The following SULT2A1 variants were observed in gnomAD, a reference collection of about 807,000 sequenced individuals.
SULT2A1 encodes sulfotransferase 2A1.
Under a neutral mutation model 33.9 loss-of-function variants are expected in SULT2A1, and 43 were observed. The observed-to-expected ratio is 1.27, with a 90% CI of 1.00 to 1.64. SULT2A1 has a LOEUF of 1.64. Ranked by LOEUF, SULT2A1 falls within the 40% of genes most tolerant of loss-of-function variation. The pLI is 0.00. For synonymous variants in SULT2A1, 125 were observed against 113.6 expected (o/e 1.10, Z -0.64); for missense variants, 300 against 335.1 (o/e 0.90, Z 0.82).
At chr19:47,877,773 A>T (rs923704552) in intron 4 of SULT2A1, among the ~76,000 whole-genome samples, 15 of 150,898 alleles carry the variant, frequency 9.9e-5, no homozygotes. Flanking sequence ...CTGGTCTCGA[A>T]CTCCTGGACT....
intron 4 of SULT2A1, among the ~76,000 whole-genome samples, chr19:47,875,971 G>C (rs62531043): frequency 0.015 from 2,217 of 152,066 alleles, 52 homozygotes; most frequent in African/African-American, 0.051. Flanking sequence ...ATTAGGACTA[G>C]GTACATGATC....
At chr19:47,878,992 G>T in intron 4 of SULT2A1, 44 bp downstream of exon 4, 1 of 1,179,076 alleles carries the variant, frequency 8.5e-7, no homozygotes, top group Non-Finnish European at 1.3e-6. Flanking sequence ...AAGTAAGGAT[G>T]GTGGTGAGAG....
chr19:47,883,681 C>G lies in SULT2A1; in HGVS notation c.241G>C (p.Glu81Gln). Residue 81 changes from glutamate (E) to glutamine (Q), a missense_variant, in exon 2 of 6, where the codon GAG becomes CAG. Coordinates refer to ENST00000222002, the MANE Select transcript of SULT2A1 (RefSeq NM_003167.4). ...IWERSPWVES[E>Q]IGYTALSETE... Reference sequence around the variant, plus strand: ...TCACTGAGTGCTGTATACCCAATCTCACTCTCTACCCAGGGTGATCGCTCC... The same window carrying G: ...TCACTGAGTGCTGTATACCCAATCTGACTCTCTACCCAGGGTGATCGCTCC... The G allele has an allele frequency of 6.2e-7, 1 of 1,614,144 alleles. No individual in the cohort carries two copies. The highest frequency in any genetic ancestry group is 1.1e-5 in the South Asian group (1 of 91,082).
At chr19:47,885,833 T>A (rs1490851967) in intron 1 of SULT2A1, among the ~76,000 whole-genome samples, 1 of 152,182 alleles carries the variant, frequency 6.6e-6, no homozygotes, top group Non-Finnish European at 1.5e-5. Context: ...ACATCATTGG[T>A]CATCCTCAGC....
rs4149454 is a variant in SULT2A1 at position 47,871,128 on chromosome 19, T to G, written c.*327A>C. The G allele has an allele frequency of 5.8e-6, 1 of 173,262 alleles. No individual in the cohort carries two copies. Among genetic ancestry groups the G allele is most frequent in the Non-Finnish European group, 1.2e-5 (1 of 83,844 alleles). 10.7% of individuals were successfully genotyped at this position (173,262 alleles called of 1,614,324 possible). ...TCCCAAAGTGCTGGGATTACAGACATGAGCCAATGCGCCTGGCTAATTTTT... is the reference window on the plus strand; with the variant it reads ...TCCCAAAGTGCTGGGATTACAGACAGGAGCCAATGCGCCTGGCTAATTTTT... On this transcript the variant is annotated 3_prime_UTR_variant, in exon 6 of 6. Coordinates refer to ENST00000222002, the MANE Select transcript of SULT2A1 (RefSeq NM_003167.4).
intron 4 of SULT2A1, among the ~76,000 whole-genome samples, chr19:47,875,877 A>T (rs975216593): frequency 9.2e-5 from 14 of 152,324 alleles, no homozygotes; most frequent in Non-Finnish European, 1.9e-4. Context: ...TCCTGGCTGT[A>T]CTGTCAGATA....
chr19:47,879,197 G>T, intron 3 of SULT2A1, 67 bp from the exon 4 acceptor site: 2 of 921,496 alleles, frequency 2.2e-6, no homozygotes, highest in Non-Finnish European at 1.8e-6. Context: ...AGTCTATTAT[G>T]TTCATCCCCC....
chr19:47,883,513 A>G (rs1968621986), intron 2 of SULT2A1, 64 bp downstream of exon 2: 1 of 1,482,528 alleles, frequency 6.7e-7, no homozygotes, highest in South Asian at 1.1e-5. Context: ...TCTCCAGATG[A>G]CTTATAGGCA....
intron 4 of SULT2A1, among the ~76,000 whole-genome samples, chr19:47,877,808 C>CT: frequency 6.6e-6 from 1 of 152,190 alleles, no homozygotes; most frequent in Non-Finnish European, 1.5e-5. Context: ...GCCTTCACCT[C>CT]CCCAGTGCTG....
chr19:47,881,595 T>C (rs1481359789), intron 3 of SULT2A1, among the ~76,000 whole-genome samples: 3 of 152,044 alleles, frequency 2.0e-5, no homozygotes, highest in Non-Finnish European at 4.4e-5. Flanking sequence ...TCATAGAGTT[T>C]TGAGATCAAT....
At chr19:47,874,591 G>T in intron 5 of SULT2A1, 66 bp downstream of exon 5, 1 of 1,149,422 alleles carries the variant, frequency 8.7e-7, no homozygotes, top group Non-Finnish European at 1.3e-6. Flanking sequence ...TTAGCGCCCA[G>T]TTGTGACCAT....
chr19:47,878,010 G>C (rs1968564311), intron 4 of SULT2A1, among the ~76,000 whole-genome samples: 1 of 152,102 alleles, frequency 6.6e-6, no homozygotes, highest in African/African-American at 2.4e-5. Context: ...TCAGACACTC[G>C]GAACCATCTC....
At chr19:47,872,613 C>T (rs1459931245) in intron 5 of SULT2A1, among the ~76,000 whole-genome samples, 1 of 152,018 alleles carries the variant, frequency 6.6e-6, no homozygotes, top group Non-Finnish European at 1.5e-5. Flanking sequence ...CTCTCACCAC[C>T]CAATTTAGAG....
At chr19:47,880,656 G>A (rs941769371) in intron 3 of SULT2A1, among the ~76,000 whole-genome samples, 13 of 151,490 alleles carry the variant, frequency 8.6e-5, no homozygotes, top group South Asian at 4.2e-4. Context: ...GAGTGATCTC[G>A]GCTCGCTGCA....
At chr19:47,880,244 A>AAAC (rs1438815839) in intron 3 of SULT2A1, among the ~76,000 whole-genome samples, 1 of 150,400 alleles carries the variant, frequency 6.6e-6, no homozygotes, top group African/African-American at 2.4e-5. Flanking sequence ...CTCAAAAAAA[A>AAAC]AAAAAAAAAA....
chr19:47,874,560 A>AAAT, intron 5 of SULT2A1, 97 bp downstream of exon 5: 9 of 882,268 alleles, frequency 1.0e-5, no homozygotes, highest in African/African-American at 1.7e-5. Flanking sequence ...AAAAAAAAAA[A>AAAT]GCACTCTTTC....
intron 1 of SULT2A1, among the ~76,000 whole-genome samples, chr19:47,884,468 G>A (rs1968635081): frequency 1.6e-5 from 2 of 128,356 alleles, no homozygotes; most frequent in South Asian, 5.3e-4. Context: ...GTGAGCCACT[G>A]CGCCTGGCTT....
At chr19:47,878,394 G>A (rs1291431459) in intron 4 of SULT2A1, among the ~76,000 whole-genome samples, 2 of 151,664 alleles carry the variant, frequency 1.3e-5, no homozygotes, top group Non-Finnish European at 2.9e-5. Flanking sequence ...GTAGACTGGA[G>A]TCTTGCTGGT....
intron 4 of SULT2A1, among the ~76,000 whole-genome samples, chr19:47,875,616 C>T (rs982450843): frequency 7.2e-5 from 11 of 151,938 alleles, no homozygotes; most frequent in Admixed American, 1.3e-4. Flanking sequence ...CCAGCCTGGG[C>T]GTTGGAGTGA....
Sources: allele counts gnomAD v4.1 joint callset (sites outside exome capture counted in the v4.1 genomes callset), GRCh38; gene constraint gnomAD v4.1.1; transcripts MANE v1.5; gene names NCBI Gene and HGNC (gene_info 2026-07-23, HGNC 2026-07-21).